The following SMOC2 variants were observed in gnomAD, a reference collection of about 807,000 sequenced individuals.
SMOC2 encodes SPARC-related modular calcium-binding protein 2.
Under a neutral mutation model 61.4 loss-of-function variants are expected in SMOC2, and 39 were observed. That is an observed-to-expected ratio of 0.64 (90% CI 0.49 to 0.83). The LOEUF is 0.83. SMOC2 is among the 40% of genes least tolerant of loss of function. The probability of loss-of-function intolerance (pLI) is 0.00; values close to 1 mark genes in which losing one functional copy is unlikely to be tolerated. For missense variants in SMOC2, 556 were observed against 592.9 expected (o/e 0.94, Z 0.65); for synonymous variants, 247 against 239.9 (o/e 1.03, Z -0.27).
chr6:168,536,418 G>C (rs1161338051), intron 4 of SMOC2, among the ~76,000 whole-genome samples: 2 of 152,092 alleles, frequency 1.3e-5, no homozygotes. Context: ...GGAGCTGGCG[G>C]ATAAGGAGGT....
At chr6:168,524,678 C>T (rs1168185878) in intron 2 of SMOC2, among the ~76,000 whole-genome samples, 2 of 152,250 alleles carry the variant, frequency 1.3e-5, no homozygotes, top group Non-Finnish European at 2.9e-5. Flanking sequence ...TCCAGCAAAG[C>T]AGTGATTTCT....
At position 168,558,280 on chromosome 6, in the gene SMOC2, G is replaced by A. The variant is rs192211011; in HGVS notation, c.637+9077G>A. The stretch of plus-strand genomic sequence containing the variant: ...TCAGGCATGGGGAGGAGACGGGAGA[G>A]TGGTTGGTGTCATGTACCGTGAAGG... On this transcript the variant is annotated intron_variant, in intron 7 of 12. Coordinates refer to ENST00000356284, the MANE Select transcript of SMOC2 (RefSeq NM_001166412.2). Among the ~76,000 whole-genome samples the A allele has an allele frequency of 1.8e-3, 273 of 152,316 alleles. 2 individuals carry two copies. Among genetic ancestry groups the A allele is most frequent in the African/African-American group, 6.2e-3 (257 of 41,570 alleles).
At chr6:168,652,881 GAGGGA>G in intron 10 of SMOC2, 68 bp from the exon 11 acceptor site, 6 of 1,469,274 alleles carry the variant, frequency 4.1e-6, no homozygotes, top group Non-Finnish European at 5.6e-6. Context: ...TTATGGGTTT[GAGGGA>G]AGGACAGTGG....
chr6:168,539,581 C>T (rs529647086), intron 4 of SMOC2, among the ~76,000 whole-genome samples: 11 of 152,348 alleles, frequency 7.2e-5, no homozygotes, highest in African/African-American at 4.8e-5. Context: ...CCTTCCACAC[C>T]GGCTCTAGCA....
At chr6:168,583,636 C>T (rs549915001) in intron 7 of SMOC2, among the ~76,000 whole-genome samples, 88 of 152,252 alleles carry the variant, frequency 5.8e-4, no homozygotes, top group Middle Eastern at 3.4e-3. Context: ...ACACGAAAGC[C>T]GGGCCTCACA....
chr6:168,615,732 T>C (rs113469801), intron 9 of SMOC2, among the ~76,000 whole-genome samples: 908 of 63,926 alleles, frequency 0.014, 9 homozygotes, highest in Middle Eastern at 0.02. Flanking sequence ...GGCCTCTTCA[T>C]ACCTACAGCC....
chr6:168,456,392 G>C (rs1781588880), intron 1 of SMOC2, among the ~76,000 whole-genome samples: 2 of 152,220 alleles, frequency 1.3e-5, no homozygotes, highest in Admixed American at 1.3e-4. Flanking sequence ...GTCTGCCCTT[G>C]AGTTAACCTC....
At chr6:168,518,375 C>T (rs1783201620) in intron 2 of SMOC2, among the ~76,000 whole-genome samples, 1 of 150,612 alleles carries the variant, frequency 6.6e-6, no homozygotes, top group Non-Finnish European at 1.5e-5. Context: ...TGTTCATGTG[C>T]ATTGTGTGCA....
chr6:168,599,404 A>ACTCT lies in SMOC2; in HGVS notation c.824+401_824+402insTCTC, dbSNP rs199611934. On this transcript the variant is annotated intron_variant, in intron 8 of 12. Transcript: ENST00000356284. ...CACCCACACTCACACACACACTGACACACACACATTCATACCCCCCACACC... is the reference window on the plus strand; with the variant it reads ...CACCCACACTCACACACACACTGACACTCTCACACACATTCATACCCCCCACACC... Among the ~76,000 whole-genome samples, 231 of 43,354 alleles carry ACTCT rather than the reference A, an allele frequency of 5.3e-3. 4 individuals are homozygous for ACTCT. The highest frequency in any genetic ancestry group is 0.02 in the Middle Eastern group (1 of 50). The allele number at this position is 43,354 out of a possible 152,430, so 28.4% of individuals were successfully genotyped here. A position where few individuals can be genotyped will look rare whatever the true frequency, so the allele number is the denominator to read the frequency against.
In SMOC2 at chr6:168,616,538, C is replaced by G. The variant is rs534753152; in HGVS notation, c.907+8299C>G. 2.0e-4 allele frequency among the ~76,000 whole-genome samples: 31 copies of G among 152,318 alleles called. 1 individual carries two copies. The highest frequency in any genetic ancestry group is 1.5e-3 in the Admixed American group (23 of 15,298). On this transcript the variant is annotated intron_variant, in intron 9 of 12. Coordinates refer to ENST00000356284, the MANE Select transcript of SMOC2 (RefSeq NM_001166412.2). ...GGGGAGTCCCAGATATGGCAAGAGA[C>G]CGTTCCACATGGCACCACTTGGAAG... is the stretch of plus-strand genomic sequence containing the variant.
At chr6:168,493,347 TTTAG>T (rs989414665) in intron 1 of SMOC2, among the ~76,000 whole-genome samples, 2 of 152,180 alleles carry the variant, frequency 1.3e-5, no homozygotes, top group African/African-American at 4.8e-5. Flanking sequence ...TCAAAAGTGA[TTTAG>T]TTAAAGAACT....
intron 1 of SMOC2, among the ~76,000 whole-genome samples, chr6:168,471,254 T>A (rs1303066880): frequency 2.0e-5 from 3 of 152,222 alleles, no homozygotes; most frequent in African/African-American, 7.2e-5. Context: ...CTACTTTCTG[T>A]CTCTATCAGT....
At chr6:168,515,290 A>C (rs1186311606) in intron 2 of SMOC2, among the ~76,000 whole-genome samples, 1 of 152,218 alleles carries the variant, frequency 6.6e-6, no homozygotes, top group African/African-American at 2.4e-5. Context: ...TGTAGTCTTC[A>C]GAATCTCGTG....
At chr6:168,448,779 G>A (rs572321538) in intron 1 of SMOC2, among the ~76,000 whole-genome samples, 2 of 152,266 alleles carry the variant, frequency 1.3e-5, no homozygotes, top group African/African-American at 2.4e-5. Context: ...TAACATATTC[G>A]TAGCACTTTG....
At chr6:168,645,670 A>G (rs758039621) in intron 9 of SMOC2, among the ~76,000 whole-genome samples, 1 of 152,224 alleles carries the variant, frequency 6.6e-6, no homozygotes. Flanking sequence ...AGTGACCCCA[A>G]GGTGCCCAGC....
At chr6:168,601,839 G>A (rs946636015) in intron 8 of SMOC2, among the ~76,000 whole-genome samples, 19 of 151,776 alleles carry the variant, frequency 1.3e-4, no homozygotes, top group African/African-American at 3.1e-4. Context: ...CTCTCTTCCC[G>A]TCCATCGATG....
intron 7 of SMOC2, among the ~76,000 whole-genome samples, chr6:168,555,768 T>A (rs145747097): frequency 0.025 from 3,808 of 152,182 alleles, 69 homozygotes; most frequent in Middle Eastern, 0.11. Context: ...ACACCTTCGC[T>A]TTAGAGGAAG....
Position 168,453,743 on chromosome 6 carries a change from G to A in SMOC2, c.84+12289G>A, listed in dbSNP as rs1583027374. ...ACATACTACATCTCTGTCTATCTCT[G>A]TCTCTCTGTCTCCCTCTTTCTCTGT... On this transcript the variant is annotated intron_variant, in intron 1 of 12. Transcript: ENST00000356284. The surrounding 1 kb of genome is among the most constrained non-coding windows in gnomAD (Gnocchi z 4.4). 6.6e-6 allele frequency among the ~76,000 whole-genome samples: 1 copy of A among 151,000 alleles called. No homozygotes were observed. The highest frequency in any genetic ancestry group is 1.5e-5 in the Non-Finnish European group (1 of 67,828).
chr6:168,613,702 C>G (rs1285144226), intron 9 of SMOC2, among the ~76,000 whole-genome samples: 2 of 137,232 alleles, frequency 1.5e-5, no homozygotes, highest in African/African-American at 2.7e-5. Context: ...TTCACACCTA[C>G]AGCCAGCACA....
Sources: allele counts gnomAD v4.1 joint callset (sites outside exome capture counted in the v4.1 genomes callset), GRCh38; gene constraint gnomAD v4.1.1; non-coding constraint Gnocchi (gnomAD v3.1); transcripts MANE v1.5; gene names NCBI Gene and HGNC (gene_info 2026-07-23, HGNC 2026-07-21).